Variants in FOXO1 observed in about 807,000 individuals in gnomAD.
FOXO1 encodes the protein forkhead box protein O1.
A neutral mutation model predicts 44.1 loss-of-function variants in FOXO1; 6 were observed. That is an observed-to-expected ratio of 0.14 (90% CI 0.07 to 0.27). The LOEUF is 0.27. FOXO1 is among the 10% of genes least tolerant of loss of function. The pLI is 1.00. For synonymous variants in FOXO1, 380 were observed against 362.7 expected, an observed-to-expected ratio of 1.05 and a Z score of -0.54; for missense variants, 737 against 888.8, an observed-to-expected ratio of 0.83 and a Z score of 2.17.
chr13:40,593,954 C>A (rs1875483423), intron 1 of FOXO1, among the ~76,000 whole-genome samples: 2 of 152,162 alleles, frequency 1.3e-5, no homozygotes, highest in East Asian at 1.9e-4. Context: ...TTGACAACCA[C>A]CCACAATTTT....
rs115324017 is a variant in FOXO1 at position 40,597,618 on chromosome 13, C to T, written c.631-36758G>A. ...GTTGGAGCCTAAACCCTACATCTTC[C>T]CCCGGTGAAGGGTCCTGCCCTAGAA... is the stretch of plus-strand genomic sequence containing the variant. On this transcript the variant is annotated intron_variant, in intron 1 of 2. Transcript: ENST00000379561. Among the ~76,000 whole-genome samples the T allele has an allele frequency of 2.2e-3, 338 of 152,218 alleles. 1 individual carries two copies. Among genetic ancestry groups the T allele is most frequent in the African/African-American group, 7.7e-3 (319 of 41,504 alleles).
chr13:40,573,110 C>T (rs1874606073), intron 1 of FOXO1, among the ~76,000 whole-genome samples: 1 of 152,216 alleles, frequency 6.6e-6, no homozygotes, highest in Non-Finnish European at 1.5e-5. Context: ...CTACATTTTG[C>T]TTATTTGTAA....
At chr13:40,619,090 C>T (rs1876520201) in intron 1 of FOXO1, 1 of 413,642 alleles carries the variant, frequency 2.4e-6, no homozygotes, top group South Asian at 1.9e-5. Context: ...TCAAGACCAG[C>T]CTGGCCAACA....
chr13:40,571,808 G>A (rs1874523037), intron 1 of FOXO1, among the ~76,000 whole-genome samples: 1 of 152,244 alleles, frequency 6.6e-6, no homozygotes, highest in Non-Finnish European at 1.5e-5. Flanking sequence ...TCCTATAAAC[G>A]CACAGCATTA....
intron 1 of FOXO1, among the ~76,000 whole-genome samples, chr13:40,646,119 C>T (rs1877501110): frequency 2.0e-5 from 3 of 149,520 alleles, no homozygotes; most frequent in Admixed American, 1.3e-4. Context: ...TAATTGAGAA[C>T]AGAACAGATA....
intron 1 of FOXO1, among the ~76,000 whole-genome samples, chr13:40,664,922 C>T (rs549539182): frequency 5.9e-5 from 9 of 152,008 alleles, no homozygotes; most frequent in Admixed American, 4.6e-4. Flanking sequence ...GTGGCCGCCC[C>T]TTCGCACGTG....
At chr13:40,662,215 A>G (rs1352240783) in intron 1 of FOXO1, among the ~76,000 whole-genome samples, 2 of 151,806 alleles carry the variant, frequency 1.3e-5, no homozygotes, top group African/African-American at 4.8e-5. Context: ...TCTTTAAATC[A>G]AAGAGGATAC....
chr13:40,655,218 G>GGT (rs1877817340), intron 1 of FOXO1, among the ~76,000 whole-genome samples: 1 of 151,802 alleles, frequency 6.6e-6, no homozygotes, highest in Non-Finnish European at 1.5e-5. Context: ...TACTATTACA[G>GGT]GTGTGCCTGT....
At chr13:40,612,724 C>A (rs1396171826) in intron 1 of FOXO1, among the ~76,000 whole-genome samples, 2 of 152,288 alleles carry the variant, frequency 1.3e-5, no homozygotes, top group African/African-American at 4.8e-5. Flanking sequence ...CCACATTCAT[C>A]TATCTTTTAT....
chr13:40,648,451 G>A (rs2137930452), intron 1 of FOXO1, among the ~76,000 whole-genome samples: 1 of 152,230 alleles, frequency 6.6e-6, no homozygotes, highest in South Asian at 2.1e-4. Context: ...ATTAAAAAAT[G>A]CAAAAACTAA....
At chr13:40,632,973 A>G (rs1441342885) in intron 1 of FOXO1, among the ~76,000 whole-genome samples, 1 of 152,176 alleles carries the variant, frequency 6.6e-6, no homozygotes, top group African/African-American at 2.4e-5. Context: ...TATCTCTCCA[A>G]AGAAGATATA....
chr13:40,666,208 GCCATGGTGACCC>G lies in FOXO1; in HGVS notation c.-8_4del. On this transcript the variant is annotated start_lost and 5_prime_UTR_variant, in exon 1 of 3. Transcript: ENST00000379561. ...GATCTCCACCACCTGAGGCGCCTCG[GCCATGGTGACCC>G]CCGCCCCTCCCCCAGCCGCAGGAGA... 7.0e-7 allele frequency: 1 copy of G among 1,429,640 alleles called. No individual in the cohort carries two copies. Among genetic ancestry groups the G allele is most frequent in the Non-Finnish European group, 9.2e-7 (1 of 1,092,630 alleles). The allele number at this position is 1,429,640 out of a possible 1,614,324, so 88.6% of individuals were successfully genotyped here.
At chr13:40,603,218 A>G (rs936064733) in intron 1 of FOXO1, among the ~76,000 whole-genome samples, 2 of 152,148 alleles carry the variant, frequency 1.3e-5, no homozygotes, top group Non-Finnish European at 2.9e-5. Flanking sequence ...AGGAGAAACA[A>G]TATGTATCCT....
At position 40,557,803 on chromosome 13, in the gene FOXO1, T is replaced by G. The variant is rs761445954; in HGVS notation, c.*1246A>C. On this transcript the variant is annotated 3_prime_UTR_variant, in exon 3 of 3. Transcript: ENST00000379561. ...CCTCGTTTGACAAAGGACCATTGCT[T>G]TAGATGCAGATCTCCCTTTTCTGAT... is the stretch of plus-strand genomic sequence containing the variant. 1 of 152,220 alleles carries G rather than the reference T, an allele frequency of 6.6e-6. No individual in the cohort carries two copies. The highest frequency in any genetic ancestry group is 1.5e-5 in the Non-Finnish European group (1 of 68,032). 9.4% of individuals were successfully genotyped at this position (152,220 alleles called of 1,614,324 possible).
At chr13:40,585,343 G>GCGCGCACA (rs10623475) in intron 1 of FOXO1, among the ~76,000 whole-genome samples, 2,375 of 147,100 alleles carry the variant, frequency 0.016, 45 homozygotes, top group African/African-American at 0.051. Flanking sequence ...CTGCGCGCGC[G>GCGCGCACA]CACACACACA....
chr13:40,594,740 C>T (rs1875514606), intron 1 of FOXO1, among the ~76,000 whole-genome samples: 1 of 152,166 alleles, frequency 6.6e-6, no homozygotes, highest in Admixed American at 6.5e-5. Flanking sequence ...GGCTGGAATG[C>T]AGTGGTACAA....
At chr13:40,572,993 T>C (rs1450113134) in intron 1 of FOXO1, among the ~76,000 whole-genome samples, 1 of 152,212 alleles carries the variant, frequency 6.6e-6, no homozygotes, top group African/African-American at 2.4e-5. Context: ...GTAATGCTGC[T>C]TTCATTAACA....
At chr13:40,645,928 T>C (rs980448921) in intron 1 of FOXO1, among the ~76,000 whole-genome samples, 1 of 151,864 alleles carries the variant, frequency 6.6e-6, no homozygotes, top group Non-Finnish European at 1.5e-5. Context: ...TAGCCGGGCA[T>C]GGTGGCGCTT....
At chr13:40,633,825 TAGTC>T (rs1267227537) in intron 1 of FOXO1, among the ~76,000 whole-genome samples, 9 of 152,224 alleles carry the variant, frequency 5.9e-5, no homozygotes, top group Non-Finnish European at 1.0e-4. Context: ...AAAAGATACA[TAGTC>T]ACAGTAACTT....
Sources: allele counts gnomAD v4.1 joint callset (sites outside exome capture counted in the v4.1 genomes callset), GRCh38; gene constraint gnomAD v4.1.1; transcripts MANE v1.5; gene names NCBI Gene and HGNC (gene_info 2026-07-23, HGNC 2026-07-21).